Variants in ARHGAP28 observed in about 807,000 individuals in gnomAD.
The protein encoded by ARHGAP28 is Rho GTPase activating protein 28.
ARHGAP28 carries 56 observed loss-of-function variants against 90.7 expected under a neutral mutation model. The observed-to-expected ratio is 0.62, with a 90% confidence interval of 0.50 to 0.77. ARHGAP28 has a LOEUF of 0.77. ARHGAP28 is among the 30% of genes least tolerant of loss of function. ARHGAP28 has a pLI of 0.00. For synonymous variants in ARHGAP28, 308 were observed against 323.3 expected (o/e 0.95, Z 0.51); for missense variants, 869 against 900.9 (o/e 0.96, Z 0.45).
intron 5 of ARHGAP28, among the ~76,000 whole-genome samples, chr18:6,865,210 C>T (rs1325529889): frequency 6.6e-6 from 1 of 152,046 alleles, no homozygotes; most frequent in Non-Finnish European, 1.5e-5. Context: ...TTTGGCTATT[C>T]TCATGGATAT....
intron 1 of ARHGAP28, among the ~76,000 whole-genome samples, chr18:6,739,972 A>G (rs973178949): frequency 2.6e-5 from 4 of 151,342 alleles, no homozygotes; most frequent in Non-Finnish European, 4.4e-5. Context: ...CTCCTGCCTC[A>G]GCCTCCCAAG....
chr18:6,869,157 T>A (rs2057061447), intron 6 of ARHGAP28, among the ~76,000 whole-genome samples: 1 of 151,940 alleles, frequency 6.6e-6, no homozygotes, highest in African/African-American at 2.4e-5. Context: ...TCTTTATAGA[T>A]CCATAGGTAG....
intron 6 of ARHGAP28, among the ~76,000 whole-genome samples, chr18:6,868,883 A>T (rs1228348458): frequency 3.3e-5 from 5 of 152,070 alleles, no homozygotes; most frequent in Non-Finnish European, 5.9e-5. Flanking sequence ...TGGTTGTACC[A>T]CTCTGTTAAT....
intron 2 of ARHGAP28, among the ~76,000 whole-genome samples, chr18:6,827,043 T>C (rs1165577039): frequency 6.6e-6 from 1 of 152,040 alleles, no homozygotes; most frequent in Non-Finnish European, 1.5e-5. Flanking sequence ...GCAGAAGAAT[T>C]TATCTTAGTA....
intron 1 of ARHGAP28, among the ~76,000 whole-genome samples, chr18:6,776,460 C>G (rs1242943410): frequency 6.6e-6 from 1 of 152,198 alleles, no homozygotes; most frequent in Non-Finnish European, 1.5e-5. Flanking sequence ...GCTTGAGTAT[C>G]ACAGCCATTC....
intron 3 of ARHGAP28, among the ~76,000 whole-genome samples, chr18:6,849,912 T>A (rs1465645601): frequency 6.6e-6 from 1 of 152,174 alleles, no homozygotes; most frequent in Non-Finnish European, 1.5e-5. Flanking sequence ...TCCAAGTATT[T>A]CTGTAATTAT....
At chr18:6,900,898 T>A (rs1307837024) in intron 16 of ARHGAP28, among the ~76,000 whole-genome samples, 2 of 142,622 alleles carry the variant, frequency 1.4e-5, no homozygotes, top group Non-Finnish European at 3.2e-5. Flanking sequence ...CAAAAATCTT[T>A]GAAATATCCA....
At chr18:6,888,606 CTTG>C (rs1398362388) in intron 12 of ARHGAP28, among the ~76,000 whole-genome samples, 1 of 152,064 alleles carries the variant, frequency 6.6e-6, no homozygotes, top group Non-Finnish European at 1.5e-5. Flanking sequence ...AATTTATTAG[CTTG>C]TTTTTTCGCT....
intron 16 of ARHGAP28, among the ~76,000 whole-genome samples, chr18:6,907,588 G>A (rs1362083270): frequency 6.6e-6 from 1 of 152,156 alleles, no homozygotes; most frequent in Non-Finnish European, 1.5e-5. Context: ...TTTAACCTTT[G>A]TGAATTGACC....
chr18:6,780,582 G>A (rs561115749), intron 1 of ARHGAP28, among the ~76,000 whole-genome samples: 1 of 151,976 alleles, frequency 6.6e-6, no homozygotes, highest in South Asian at 2.1e-4. Flanking sequence ...AGCAATGGAG[G>A]CTGAGAAAAA....
At position 6,890,473 on chromosome 18, in the gene ARHGAP28, C is replaced by T. The variant is rs761706342; in HGVS notation, c.1778C>T (p.Ala593Val). The T allele has an allele frequency of 1.2e-6, 2 of 1,613,546 alleles. No homozygotes were observed. Among genetic ancestry groups the T allele is most frequent in the Non-Finnish European group, 1.7e-6 (2 of 1,179,824 alleles). ...LITQVRRMNEATMLLKKQLPS... is the reference protein window; with the variant it reads ...LITQVRRMNEVTMLLKKQLPS... ...ACTCAAGTAAGAAGAATGAATGAAG[C>T]CACGATGCTATTGAAGAAGCAGCTC... Residue 593 changes from alanine (A) to valine (V), a missense_variant, in exon 14 of 18, where the codon GCC (alanine) becomes GTC (valine). Transcript: ENST00000383472.
chr18:6,792,889 G>A (rs924303584), intron 1 of ARHGAP28, among the ~76,000 whole-genome samples: 5 of 152,128 alleles, frequency 3.3e-5, no homozygotes, highest in African/African-American at 9.7e-5. Flanking sequence ...TCATCTAGCC[G>A]GTTTCCAGCC....
intron 1 of ARHGAP28, among the ~76,000 whole-genome samples, chr18:6,814,525 T>C (rs1203853849): frequency 6.6e-6 from 1 of 152,190 alleles, no homozygotes; most frequent in Non-Finnish European, 1.5e-5. Flanking sequence ...TGGCAATAAA[T>C]GGAGACCAGA....
At chr18:6,826,683 C>CTTTT (rs36069648) in intron 2 of ARHGAP28, among the ~76,000 whole-genome samples, 364 of 88,158 alleles carry the variant, frequency 4.1e-3, no homozygotes, top group East Asian at 8.9e-3. Context: ...GGATTTTGAG[C>CTTTT]TTTTTTTTTT....
intron 6 of ARHGAP28, 77 bp from the exon 7 acceptor site, chr18:6,870,513 G>T: frequency 7.1e-7 from 1 of 1,405,470 alleles, no homozygotes; most frequent in South Asian, 1.2e-5. Context: ...TAAATATTTT[G>T]AATTTGTTTT....
intron 1 of ARHGAP28, among the ~76,000 whole-genome samples, chr18:6,784,680 G>T (rs1600181466): frequency 6.6e-6 from 1 of 152,184 alleles, no homozygotes; most frequent in East Asian, 1.9e-4. Flanking sequence ...AGCGCAGTAG[G>T]AGGTACATAA....
At chr18:6,870,403 A>T (rs1295081494) in intron 6 of ARHGAP28, among the ~76,000 whole-genome samples, 187 bp from the exon 7 acceptor site, 2 of 152,212 alleles carry the variant, frequency 1.3e-5, no homozygotes, top group Non-Finnish European at 2.9e-5. Context: ...GTCCATATGG[A>T]GGTCTGTGAT....
In ARHGAP28 at chr18:6,859,808, C is replaced by G; in HGVS notation, c.637C>G (p.Pro213Ala). Residue 213 changes from proline (P) to alanine (A), a missense_variant and splice_region_variant, in exon 5 of 18, where the codon CCA becomes GCA. By Grantham distance (27) the Pro-to-Ala change is conservative. Transcript: ENST00000383472. The part of the protein sequence containing the change: ...PRVIKTSGSM[P>A]DDASLNSTTL... ...ATGGTACTTTTATTTCTCCATTTAG[C>G]CAGATGATGCTTCTCTCAACAGTAC... is the stretch of plus-strand genomic sequence containing the variant. 2 of 1,612,764 alleles carry G rather than the reference C, an allele frequency of 1.2e-6. No individual in the cohort carries two copies. The highest frequency in any genetic ancestry group is 8.5e-7 in the Non-Finnish European group (1 of 1,179,476).
chr18:6,759,117 G>A (rs1027420408), intron 1 of ARHGAP28, among the ~76,000 whole-genome samples: 7 of 152,202 alleles, frequency 4.6e-5, no homozygotes, highest in African/African-American at 9.6e-5. Flanking sequence ...TTATTTCACC[G>A]TTGATACCTT....
Sources: gnomAD v4.1 joint callset for allele counts (sites outside exome capture counted in the v4.1 genomes callset) on GRCh38, gnomAD v4.1.1 for gene constraint, MANE v1.5 for transcripts, NCBI Gene and HGNC (gene_info 2026-07-23, HGNC 2026-07-21) for gene names.